The following ASIC2 variants were observed in gnomAD, a reference collection of about 807,000 sequenced individuals.
ASIC2 encodes acid sensing ion channel subunit 2.
Under a neutral mutation model 57.3 loss-of-function variants are expected in ASIC2, and 25 were observed. The observed-to-expected ratio is 0.44, with a 90% confidence interval of 0.32 to 0.61. The LOEUF (loss-of-function observed/expected upper bound fraction) is 0.61. Ranked by LOEUF, ASIC2 falls within the 20% of genes least tolerant of loss-of-function variation. The pLI, the probability that ASIC2 is intolerant of heterozygous loss-of-function variation, is 0.06. For synonymous variants in ASIC2, 319 were observed against 307.5 expected (o/e 1.04, Z -0.39); for missense variants, 641 against 738.1 (o/e 0.87, Z 1.52).
At chr17:33,834,251 G>C (rs1230899490) in intron 1 of ASIC2, 2 of 152,272 alleles carry the variant, frequency 1.3e-5, no homozygotes, top group Non-Finnish European at 2.9e-5. Context: ...ATCTAGGTAG[G>C]GGGAACTTCA....
intron 1 of ASIC2, among the ~76,000 whole-genome samples, chr17:33,187,064 G>A (rs1401881559): frequency 1.3e-5 from 2 of 152,140 alleles, no homozygotes; most frequent in East Asian, 3.9e-4. Context: ...ACTATTTGGT[G>A]GTCTGCTGCC....
chr17:33,303,474 A>C (rs1906042996), intron 1 of ASIC2, among the ~76,000 whole-genome samples: 1 of 152,230 alleles, frequency 6.6e-6, no homozygotes, highest in African/African-American at 2.4e-5. Context: ...GCAGAAGGCC[A>C]CACAAAAACA....
intron 1 of ASIC2, among the ~76,000 whole-genome samples, chr17:33,435,234 G>A (rs1911567081): frequency 6.6e-6 from 1 of 152,106 alleles, no homozygotes; most frequent in African/African-American, 2.4e-5. Context: ...CACAGATTTT[G>A]GTATTGAAGT....
chr17:33,614,825 C>T (rs1025415698), intron 1 of ASIC2, among the ~76,000 whole-genome samples: 31 of 152,210 alleles, frequency 2.0e-4, no homozygotes, highest in Non-Finnish European at 4.0e-4. Context: ...ATAGTATGGA[C>T]TCTTGAATCA....
chr17:33,131,812 C>T (rs75272664), intron 1 of ASIC2: 2,194 of 152,302 alleles, frequency 0.014, 35 homozygotes, highest in Middle Eastern at 0.031. Context: ...CCGCTGAACA[C>T]GCCATACATC....
rs532633088 is a variant in ASIC2 at position 33,790,259 on chromosome 17, A to G, written c.555+365719T>C. ...AAATGGTTACATCTGTGCTTGATGC[A>G]TCCCAACTCTCAATAATATATTTTT... On this transcript the variant is annotated intron_variant, in intron 1 of 9. Transcript: ENST00000359872. 7.9e-5 allele frequency among the ~76,000 whole-genome samples: 12 copies of G among 152,320 alleles called. No individual in the cohort carries two copies. In the South Asian group the frequency reaches 2.3e-3, roughly 29 times the overall value.
chr17:33,398,229 T>C (rs1266321553), intron 1 of ASIC2, among the ~76,000 whole-genome samples: 1 of 150,878 alleles, frequency 6.6e-6, no homozygotes, highest in Non-Finnish European at 1.5e-5. Flanking sequence ...TAAGAATCTT[T>C]TCTATTTTGT....
intron 1 of ASIC2, among the ~76,000 whole-genome samples, chr17:33,424,614 G>A (rs1911154493): frequency 6.6e-6 from 1 of 152,166 alleles, no homozygotes; most frequent in African/African-American, 2.4e-5. Flanking sequence ...ATCCAGACAG[G>A]AAAGCAAAAA....
intron 1 of ASIC2, among the ~76,000 whole-genome samples, chr17:33,888,522 A>C (rs1914884117): frequency 6.6e-6 from 1 of 152,162 alleles, no homozygotes. Flanking sequence ...GACAAAAAGA[A>C]CATTACTGAC....
At chr17:33,438,777 C>A (rs1245168989) in intron 1 of ASIC2, among the ~76,000 whole-genome samples, 1 of 151,734 alleles carries the variant, frequency 6.6e-6, no homozygotes, top group Admixed American at 6.6e-5. Flanking sequence ...CATGACCTGG[C>A]CCAACCAATC....
chr17:33,016,672 C>T (rs1447274526), intron 8 of ASIC2, among the ~76,000 whole-genome samples: 1 of 152,052 alleles, frequency 6.6e-6, no homozygotes, highest in Non-Finnish European at 1.5e-5. Flanking sequence ...GTTACTGGGG[C>T]ACGACAGGTC....
chr17:33,067,096 C>G (rs575824094), intron 3 of ASIC2, among the ~76,000 whole-genome samples: 7 of 152,234 alleles, frequency 4.6e-5, no homozygotes, highest in African/African-American at 1.7e-4. Context: ...GAGCATGGCT[C>G]TCCGGGGCAC....
chr17:33,451,568 C>T (rs919571190), intron 1 of ASIC2, among the ~76,000 whole-genome samples: 1 of 152,210 alleles, frequency 6.6e-6, no homozygotes, highest in African/African-American at 2.4e-5. Flanking sequence ...TCCCGTGACA[C>T]AAAACCAACT....
chr17:33,167,722 T>C (rs1210078926), intron 1 of ASIC2, among the ~76,000 whole-genome samples: 1 of 152,216 alleles, frequency 6.6e-6, no homozygotes, highest in Non-Finnish European at 1.5e-5. Context: ...TCAGCAAAAC[T>C]AGATGATCTG....
intron 1 of ASIC2, among the ~76,000 whole-genome samples, chr17:33,907,540 C>G (rs1210975460): frequency 6.6e-6 from 1 of 152,160 alleles, no homozygotes; most frequent in African/African-American, 2.4e-5. Context: ...CTCATTCTCC[C>G]TTTGGTCTCA....
At chr17:33,552,249 T>G (rs1286006240) in intron 1 of ASIC2, among the ~76,000 whole-genome samples, 1 of 152,198 alleles carries the variant, frequency 6.6e-6, no homozygotes, top group African/African-American at 2.4e-5. Context: ...CCAAAGCCTT[T>G]TATTACAGAG....
At chr17:33,857,444 C>T (rs1426018309) in intron 1 of ASIC2, among the ~76,000 whole-genome samples, 2 of 152,240 alleles carry the variant, frequency 1.3e-5, no homozygotes, top group African/African-American at 2.4e-5. Context: ...CAGGTTCCAT[C>T]CCCAATTCAG....
intron 1 of ASIC2, among the ~76,000 whole-genome samples, chr17:33,216,281 C>T (rs1402752765): frequency 6.6e-6 from 1 of 152,170 alleles, no homozygotes; most frequent in Non-Finnish European, 1.5e-5. Flanking sequence ...AAAACTCTAA[C>T]GTCATCTAGA....
intron 1 of ASIC2, among the ~76,000 whole-genome samples, chr17:33,185,188 A>C (rs1201203802): frequency 6.6e-6 from 1 of 152,222 alleles, no homozygotes; most frequent in African/African-American, 2.4e-5. Flanking sequence ...ATTTTAAAAT[A>C]TCCCTTTCTT....
Sources: allele counts gnomAD v4.1 joint callset (sites outside exome capture counted in the v4.1 genomes callset), GRCh38; gene constraint gnomAD v4.1.1; transcripts MANE v1.5; gene names NCBI Gene and HGNC (gene_info 2026-07-23, HGNC 2026-07-21).